PDE1A: variants seen among roughly 807,000 people sequenced by gnomAD.
PDE1A encodes dual specificity calcium/calmodulin-dependent 3',5'-cyclic nucleotide phosphodiesterase 1A.
PDE1A carries 35 observed loss-of-function variants against 61.7 expected under a neutral mutation model. The observed-to-expected ratio is 0.57, with a 90% CI of 0.43 to 0.75. The LOEUF is 0.75. PDE1A is among the 30% of genes least tolerant of loss of function. The probability of loss-of-function intolerance (pLI) is 0.00; values close to 1 mark genes in which losing one functional copy is unlikely to be tolerated. For missense variants in PDE1A, 597 were observed against 630.6 expected (o/e 0.95, Z 0.57); for synonymous variants, 232 against 213.2 (o/e 1.09, Z -0.77).
chr2:182,405,304 G>A (rs1702239041), intron 1 of PDE1A, among the ~76,000 whole-genome samples: 1 of 152,168 alleles, frequency 6.6e-6, no homozygotes, highest in Non-Finnish European at 1.5e-5. Context: ...TTTCTCTGGG[G>A]TCATTTACAT....
chr2:182,489,452 G>C (rs1688239795), intron 2 of PDE1A, among the ~76,000 whole-genome samples: 1 of 152,216 alleles, frequency 6.6e-6, no homozygotes, highest in Non-Finnish European at 1.5e-5. Flanking sequence ...GAGCAGAGGT[G>C]GAAGAGTGGA....
chr2:182,264,467 A>C, intron 1 of PDE1A, 53 bp from the exon 2 acceptor site: 1 of 1,285,322 alleles, frequency 7.8e-7, no homozygotes, highest in Non-Finnish European at 1.1e-6. Context: ...TATTGTAACT[A>C]TATGGAAAAT....
chr2:182,432,527 G>A (rs1417454342), intron 2 of PDE1A, among the ~76,000 whole-genome samples: 1 of 152,022 alleles, frequency 6.6e-6, no homozygotes, highest in East Asian at 1.9e-4. Flanking sequence ...ATTAGTGTCT[G>A]TTGTATTCCC....
At chr2:182,347,725 G>A (rs1698602952) in intron 1 of PDE1A, among the ~76,000 whole-genome samples, 2 of 151,982 alleles carry the variant, frequency 1.3e-5, no homozygotes, top group African/African-American at 4.8e-5. Context: ...CCAACTGCTA[G>A]AAAAGACAAG....
the PDE1A span, among the ~76,000 whole-genome samples, chr2:182,693,419 G>A: frequency 6.6e-6 from 1 of 152,054 alleles, no homozygotes. Context: ...TTTCCTAGCA[G>A]CTAATAATGT....
At chr2:182,525,286 A>G (rs935361397), upstream of PDE1A, among the ~76,000 whole-genome samples, 7 of 152,082 alleles carry the variant, frequency 4.6e-5, no homozygotes, top group African/African-American at 1.7e-4. Flanking sequence ...GATTTTAGTG[A>G]CAATTATTTC....
chr2:182,522,818 C>G (rs770388210), upstream of PDE1A: 2 of 216,156 alleles, frequency 9.3e-6, no homozygotes, highest in Non-Finnish European at 1.6e-5. Flanking sequence ...TTCCTCTCTA[C>G]CAACAGAACA....
chr2:182,573,838 GAT>G, the PDE1A span, among the ~76,000 whole-genome samples: 2 of 140,292 alleles, frequency 1.4e-5, no homozygotes, highest in African/African-American at 5.5e-5. Flanking sequence ...GACAGAATAG[GAT>G]ATATATATTT....
At chr2:182,626,838 C>CGT in the PDE1A span, among the ~76,000 whole-genome samples, 1 of 10,034 alleles carries the variant, frequency 1.0e-4, no homozygotes, top group African/African-American at 2.9e-4. Context: ...TATATATATA[C>CGT]ATATATATAC....
At chr2:182,671,318 C>T in the PDE1A span, among the ~76,000 whole-genome samples, 1 of 150,636 alleles carries the variant, frequency 6.6e-6, no homozygotes, top group African/African-American at 2.4e-5. Context: ...ACTACAGGCG[C>T]CTGCCACCAC....
chr2:182,215,481 G>T (rs1688081783), intron 7 of PDE1A, among the ~76,000 whole-genome samples: 2 of 151,222 alleles, frequency 1.3e-5, no homozygotes, highest in Admixed American at 1.3e-4. Flanking sequence ...CCAGGAGCTG[G>T]TTTTTTGAAA....
chr2:182,352,220 G>A (rs1021092), intron 1 of PDE1A, among the ~76,000 whole-genome samples: 3,324 of 152,314 alleles, frequency 0.022, 139 homozygotes, highest in African/African-American at 0.077. Flanking sequence ...TGTAAAATGG[G>A]TTCCCAAGCC....
intron 1 of PDE1A, among the ~76,000 whole-genome samples, chr2:182,264,867 G>GTATATACATATATATATATATATATA (rs1692493137): frequency 2.9e-5 from 1 of 34,142 alleles, no homozygotes; most frequent in African/African-American, 2.0e-4. Context: ...AGAAAATGTG[G>GTATATACATATATATATATATATATA]TATATATATA....
the PDE1A span, among the ~76,000 whole-genome samples, chr2:182,571,316 A>G: frequency 6.6e-6 from 1 of 152,174 alleles, no homozygotes; most frequent in East Asian, 1.9e-4. Context: ...AGAATAATGT[A>G]AATACCCTCA....
chr2:182,386,535 C>T (rs1701098537), intron 1 of PDE1A, among the ~76,000 whole-genome samples: 1 of 151,354 alleles, frequency 6.6e-6, no homozygotes, highest in Non-Finnish European at 1.5e-5. Flanking sequence ...TGCCCGGCCG[C>T]TCCGTCCAAG....
chr2:182,443,324 T>C (rs1324246641), intron 2 of PDE1A, among the ~76,000 whole-genome samples: 2 of 152,066 alleles, frequency 1.3e-5, no homozygotes, highest in Non-Finnish European at 2.9e-5. Context: ...ATATTATATA[T>C]TTAAGCTTCA....
chr2:182,332,214 T>C (rs1212704175), intron 1 of PDE1A, among the ~76,000 whole-genome samples: 1 of 152,240 alleles, frequency 6.6e-6, no homozygotes, highest in Non-Finnish European at 1.5e-5. Context: ...TCTTTTATGT[T>C]CTTCTCTAAA....
chr2:182,652,278 C>G, the PDE1A span, among the ~76,000 whole-genome samples: 2 of 152,140 alleles, frequency 1.3e-5, no homozygotes, highest in South Asian at 4.1e-4. Flanking sequence ...GGACTCTTCC[C>G]TATGACCTGT....
chr2:182,475,617 A>C (rs1687306220), intron 2 of PDE1A, among the ~76,000 whole-genome samples: 1 of 151,972 alleles, frequency 6.6e-6, no homozygotes, highest in Non-Finnish European at 1.5e-5. Flanking sequence ...TCTCTTAGGA[A>C]ACAAGCACGG....
Sources: allele counts gnomAD v4.1 joint callset (sites outside exome capture counted in the v4.1 genomes callset), GRCh38; gene constraint gnomAD v4.1.1; transcripts MANE v1.5; gene names NCBI Gene and HGNC (gene_info 2026-07-23, HGNC 2026-07-21).